PTPRN2: variants seen among roughly 807,000 people sequenced by gnomAD.
The protein encoded by PTPRN2 is receptor-type tyrosine-protein phosphatase N2.
In PTPRN2, 74 loss-of-function variants were observed where a neutral mutation model predicts 118.8. That is an observed-to-expected ratio of 0.62 (90% CI 0.52 to 0.76). The LOEUF (loss-of-function observed/expected upper bound fraction) is 0.76. Among genes scored for constraint, PTPRN2 ranks in the 30% least tolerant of loss-of-function variants. The probability of loss-of-function intolerance (pLI) is 0.00; values close to 1 mark genes in which losing one functional copy is unlikely to be tolerated. For synonymous variants in PTPRN2, 641 were observed against 608.0 expected, an observed-to-expected ratio of 1.05 and a Z score of -0.80; for missense variants, 1,481 against 1,394.4, an observed-to-expected ratio of 1.06 and a Z score of -0.99.
chr7:158,176,751 C>T (rs1325462055), intron 5 of PTPRN2, among the ~76,000 whole-genome samples: 1 of 152,236 alleles, frequency 6.6e-6, no homozygotes, highest in Non-Finnish European at 1.5e-5. Context: ...GGCCAATTTT[C>T]CACCAGAGCT....
chr7:158,056,910 C>T (rs73171552), intron 11 of PTPRN2, among the ~76,000 whole-genome samples: 9,346 of 152,276 alleles, frequency 0.061, 348 homozygotes, highest in Non-Finnish European at 0.088. Context: ...CACATCGGGA[C>T]GCGTGCTCCA....
At chr7:158,397,275 G>A (rs1395334291) in intron 2 of PTPRN2, among the ~76,000 whole-genome samples, 1 of 152,194 alleles carries the variant, frequency 6.6e-6, no homozygotes, top group East Asian at 1.9e-4. Flanking sequence ...CCCAATGTGG[G>A]GCCACTCTGC....
chr7:157,946,145 G>A (rs1003821398), intron 11 of PTPRN2, among the ~76,000 whole-genome samples: 1 of 152,172 alleles, frequency 6.6e-6, no homozygotes, highest in African/African-American at 2.4e-5. Context: ...CTGATGGTGA[G>A]GCAGGATAAT....
chr7:157,730,972 G>A (rs1048366002), intron 12 of PTPRN2, among the ~76,000 whole-genome samples: 1 of 152,230 alleles, frequency 6.6e-6, no homozygotes, highest in East Asian at 1.9e-4. Flanking sequence ...TTTTGTGGCA[G>A]GTGAGCTCAC....
intron 2 of PTPRN2, among the ~76,000 whole-genome samples, chr7:158,334,087 C>T (rs1473575828): frequency 2.3e-5 from 2 of 88,638 alleles, no homozygotes; most frequent in African/African-American, 8.0e-5. Context: ...CACACTCTCA[C>T]CATAAGAGGT....
chr7:158,213,243 T>C (rs1427594933), intron 3 of PTPRN2, among the ~76,000 whole-genome samples: 1 of 151,364 alleles, frequency 6.6e-6, no homozygotes, highest in East Asian at 1.9e-4. Flanking sequence ...TGTGTGTGTG[T>C]GTGTGTGTGG....
chr7:157,816,186 GC>G lies in PTPRN2; in HGVS notation c.1788+82486del, dbSNP rs368207860. On this transcript the variant is annotated intron_variant, in intron 12 of 22. Coordinates refer to ENST00000389418, the MANE Select transcript of PTPRN2 (RefSeq NM_002847.5). The stretch of plus-strand genomic sequence containing the variant: ...AGAGACCCCCCAGCCCTGCCGGCTC[GC>G]CTCCTGCCTCCCGCCTCCTAGCGTG... Among the ~76,000 whole-genome samples the G allele has an allele frequency of 3.0e-3, 464 of 152,230 alleles. 12 individuals carry two copies. The South Asian group carries it at 0.067, about 22-fold the overall frequency.
intron 11 of PTPRN2, among the ~76,000 whole-genome samples, chr7:157,945,328 C>T (rs180679737): frequency 6.6e-6 from 1 of 152,118 alleles, no homozygotes; most frequent in Non-Finnish European, 1.5e-5. Context: ...TAGCTGCTCC[C>T]GGCCAACCCC....
chr7:158,331,317 CTGAGG>C (rs1281337821), intron 2 of PTPRN2, among the ~76,000 whole-genome samples: 55 of 141,954 alleles, frequency 3.9e-4, no homozygotes, highest in Non-Finnish European at 5.2e-4. Context: ...ACCATAAGAG[CTGAGG>C]CCCACAGAGG....
intron 21 of PTPRN2, among the ~76,000 whole-genome samples, chr7:157,557,545 C>G (rs1191083356): frequency 1.6e-5 from 1 of 62,898 alleles, no homozygotes; most frequent in African/African-American, 7.9e-5. Context: ...ACCCATCACA[C>G]ACACTCCCAC....
intron 6 of PTPRN2, among the ~76,000 whole-genome samples, chr7:158,146,857 T>A (rs961639306): frequency 2.0e-5 from 3 of 151,902 alleles, no homozygotes; most frequent in Non-Finnish European, 4.4e-5. Context: ...GACCAATGGA[T>A]AGAACAAGCA....
At chr7:158,502,119 A>G (rs1435128191) in intron 1 of PTPRN2, among the ~76,000 whole-genome samples, 7 of 152,116 alleles carry the variant, frequency 4.6e-5, no homozygotes, top group Admixed American at 4.6e-4. Context: ...AGAGAAATTG[A>G]TCTCAGCAGC....
At chr7:158,026,626 C>A (rs918766583) in intron 11 of PTPRN2, among the ~76,000 whole-genome samples, 3 of 152,320 alleles carry the variant, frequency 2.0e-5, no homozygotes, top group African/African-American at 4.8e-5. Context: ...CCCTCTTCCA[C>A]GTGAGATGGT....
chr7:157,972,532 C>T (rs1441894518), intron 11 of PTPRN2, among the ~76,000 whole-genome samples: 2 of 136,870 alleles, frequency 1.5e-5, no homozygotes, highest in African/African-American at 5.5e-5. Flanking sequence ...GAGAGCAGGG[C>T]TTCAGAGACC....
intron 12 of PTPRN2, among the ~76,000 whole-genome samples, chr7:157,771,670 AACAC>A (rs1387360896): frequency 1.3e-5 from 2 of 151,956 alleles, no homozygotes; most frequent in Non-Finnish European, 1.5e-5. Flanking sequence ...GAGACACACA[AACAC>A]ACAGACACAC....
At chr7:158,013,032 G>A (rs4716532) in intron 11 of PTPRN2, among the ~76,000 whole-genome samples, 115,967 of 151,572 alleles carry the variant, frequency 0.77, 44,517 homozygotes, top group East Asian at 0.81. Flanking sequence ...CCACCCACAG[G>A]CGGGATGCCA....
At chr7:157,776,453 C>A (rs1803266887) in intron 12 of PTPRN2, among the ~76,000 whole-genome samples, 2 of 148,086 alleles carry the variant, frequency 1.4e-5, no homozygotes, top group African/African-American at 2.5e-5. Flanking sequence ...CCTCACTCTC[C>A]TCCTCCTCCC....
intron 2 of PTPRN2, among the ~76,000 whole-genome samples, chr7:158,368,851 G>A (rs1586483107): frequency 6.6e-6 from 1 of 152,326 alleles, no homozygotes; most frequent in Middle Eastern, 3.4e-3. Flanking sequence ...GGAATTGTGT[G>A]GGGTCCAGAG....
chr7:158,455,219 G>T (rs537909486), intron 2 of PTPRN2, among the ~76,000 whole-genome samples: 7 of 151,642 alleles, frequency 4.6e-5, no homozygotes, highest in Admixed American at 4.6e-4. Flanking sequence ...CATCGGCCAC[G>T]GCCACCCATC....
Sources: allele counts gnomAD v4.1 joint callset (sites outside exome capture counted in the v4.1 genomes callset), GRCh38; gene constraint gnomAD v4.1.1; transcripts MANE v1.5; gene names NCBI Gene and HGNC (gene_info 2026-07-23, HGNC 2026-07-21).